The following TOX2 variants were observed in gnomAD, a reference collection of about 807,000 sequenced individuals.
TOX2 encodes TOX high mobility group box family member 2.
Under a neutral mutation model 47.4 loss-of-function variants are expected in TOX2, and 15 were observed. That is an observed-to-expected ratio of 0.32 (90% confidence interval 0.21 to 0.49). The LOEUF (loss-of-function observed/expected upper bound fraction) is 0.49. Ranked by LOEUF, TOX2 falls within the 20% of genes least tolerant of loss-of-function variation. The pLI is 0.99. For synonymous variants in TOX2, 290 were observed against 296.6 expected (o/e 0.98, Z 0.23); for missense variants, 622 against 673.1 (o/e 0.92, Z 0.84).
chr20:43,970,565 A>T (rs2145464482), intron 1 of TOX2, among the ~76,000 whole-genome samples: 1 of 152,202 alleles, frequency 6.6e-6, no homozygotes, highest in Admixed American at 6.5e-5. Context: ...ACACTTCATT[A>T]AACTTAATGT....
Position 43,914,959 on chromosome 20 carries a change from TG to T in TOX2, c.70del (p.Ala24ArgfsTer20). The T allele has an allele frequency of 1.6e-6, 2 of 1,252,580 alleles. No individual in the cohort carries two copies. The highest frequency in any genetic ancestry group is 2.0e-6 in the Non-Finnish European group (2 of 998,602). 77.6% of individuals were successfully genotyped at this position (1,252,580 alleles called of 1,614,324 possible). A position where few individuals can be genotyped will look rare whatever the true frequency, so the allele number is the denominator to read the frequency against. Reference protein sequence around the residue: ...GARPGAEPAGLAHLDYYHGGK... With the variant: ...GARPGAEPAGXAHLDYYHGGK... Reference sequence around the variant, plus strand: ...CGGCCCGGGGCCGAGCCGGCCGGCCTGGCGCACCTGGACTATTACCACGGCG... The same window carrying T: ...CGGCCCGGGGCCGAGCCGGCCGGCCTGCGCACCTGGACTATTACCACGGCG... On this transcript the variant is annotated frameshift_variant, in exon 1 of 9. Coordinates refer to ENST00000341197, the MANE Select transcript of TOX2 (RefSeq NM_001098797.2). LOFTEE classifies it high-confidence loss of function. The surrounding 1 kb of genome is among the most constrained non-coding windows in gnomAD (Gnocchi z 4.5).
chr20:44,026,250 G>GTATATATATATATATATAT, intron 3 of TOX2, among the ~76,000 whole-genome samples: 1 of 82,956 alleles, frequency 1.2e-5, no homozygotes, highest in East Asian at 3.9e-4. Flanking sequence ...TATATATATA[G>GTATATATATATATATATAT]ACACACACAC....
intron 1 of TOX2, among the ~76,000 whole-genome samples, chr20:43,953,303 C>T (rs1246246292): frequency 6.6e-6 from 1 of 152,136 alleles, no homozygotes; most frequent in Non-Finnish European, 1.5e-5. Flanking sequence ...ATATCACCTT[C>T]AGTCAGAAAA....
At chr20:43,923,480 GGGA>G (rs2069132485) in intron 1 of TOX2, among the ~76,000 whole-genome samples, 1 of 152,176 alleles carries the variant, frequency 6.6e-6, no homozygotes, top group South Asian at 2.1e-4. Flanking sequence ...AGCAGGCCTG[GGGA>G]GGAGCTGAAA....
At chr20:43,944,217 C>G (rs2069436994) in intron 1 of TOX2, among the ~76,000 whole-genome samples, 1 of 152,130 alleles carries the variant, frequency 6.6e-6, no homozygotes, top group African/African-American at 2.4e-5. Flanking sequence ...GAGCCAGGAC[C>G]CAGAGATGAG....
At chr20:43,975,251 G>T (rs2070055664) in intron 2 of TOX2, among the ~76,000 whole-genome samples, 1 of 151,968 alleles carries the variant, frequency 6.6e-6, no homozygotes, top group Non-Finnish European at 1.5e-5. Flanking sequence ...TCTGCTCTAG[G>T]CCTCGGCAGA....
chr20:43,967,895 A>G (rs1017099225), intron 1 of TOX2, among the ~76,000 whole-genome samples: 1 of 152,192 alleles, frequency 6.6e-6, no homozygotes. Context: ...GCTTGAGGGG[A>G]TGGAAACCCA....
chr20:43,989,984 C>T (rs570782401), intron 2 of TOX2, among the ~76,000 whole-genome samples: 123 of 152,104 alleles, frequency 8.1e-4, no homozygotes, highest in Admixed American at 4.3e-3. Flanking sequence ...GGTTGTTGGC[C>T]GGATTCAGTT....
intron 1 of TOX2, among the ~76,000 whole-genome samples, chr20:43,945,033 T>G (rs924469525): frequency 6.6e-6 from 1 of 152,202 alleles, no homozygotes; most frequent in South Asian, 2.1e-4. Flanking sequence ...GATCAAGGCT[T>G]GTGGTGGGTG....
chr20:44,024,070 C>T (rs2071021091), intron 3 of TOX2, among the ~76,000 whole-genome samples: 1 of 152,154 alleles, frequency 6.6e-6, no homozygotes. Flanking sequence ...ACTGAGTTCT[C>T]CTGAGTAATC....
intron 1 of TOX2, among the ~76,000 whole-genome samples, chr20:43,954,470 C>T (rs1182072229): frequency 1.3e-5 from 2 of 152,196 alleles, no homozygotes; most frequent in African/African-American, 2.4e-5. Context: ...CTGTGTCTAC[C>T]TTGCTTCTCG....
At chr20:44,013,631 G>A (rs1315507700) in intron 3 of TOX2, among the ~76,000 whole-genome samples, 1 of 152,204 alleles carries the variant, frequency 6.6e-6, no homozygotes, top group Non-Finnish European at 1.5e-5. Flanking sequence ...TTAAAACAAT[G>A]AATTCTTATG....
intron 3 of TOX2, among the ~76,000 whole-genome samples, chr20:44,041,724 C>A (rs2071334509): frequency 6.6e-6 from 1 of 152,234 alleles, no homozygotes; most frequent in East Asian, 1.9e-4. Flanking sequence ...AGAGACTTGA[C>A]ATCCTTCCTG....
intron 2 of TOX2, among the ~76,000 whole-genome samples, chr20:44,005,347 C>A (rs1456881545): frequency 6.6e-6 from 1 of 152,200 alleles, no homozygotes; most frequent in Admixed American, 6.5e-5. Flanking sequence ...TGGATAATTT[C>A]TTCAGAGTCA....
At chr20:43,999,185 A>G (rs6065681) in intron 2 of TOX2, among the ~76,000 whole-genome samples, 109,730 of 152,140 alleles carry the variant, frequency 0.72, 39,933 homozygotes, top group East Asian at 0.81. Context: ...CATTCGTATT[A>G]TGTTATGAAT....
At chr20:43,993,963 G>A (rs1403597778) in intron 2 of TOX2, among the ~76,000 whole-genome samples, 2 of 151,878 alleles carry the variant, frequency 1.3e-5, no homozygotes, top group African/African-American at 4.8e-5. Flanking sequence ...GACCAGTCTG[G>A]GCAATATAGC....
chr20:43,971,150 A>C (rs866294901), intron 1 of TOX2, among the ~76,000 whole-genome samples: 2 of 152,150 alleles, frequency 1.3e-5, no homozygotes, highest in Non-Finnish European at 2.9e-5. Flanking sequence ...TGCTTTATTT[A>C]CTTATTCAAC....
rs117954037 is a variant in TOX2 at position 43,946,759 on chromosome 20, C to T, written c.100-26608C>T. Among the ~76,000 whole-genome samples, 793 of 152,196 alleles carry T rather than the reference C, an allele frequency of 5.2e-3. 4 individuals are homozygous for T. The highest frequency in any genetic ancestry group is 7.3e-3 in the Non-Finnish European group (494 of 68,000). Reference sequence around the variant, plus strand: ...AGAGATTTCAAATGCAGAAACCTAACGTGAAGGGGCCATCCCAGCTGTGCC... The same window carrying T: ...AGAGATTTCAAATGCAGAAACCTAATGTGAAGGGGCCATCCCAGCTGTGCC... On this transcript the variant is annotated intron_variant, in intron 1 of 8. Coordinates refer to ENST00000341197, the MANE Select transcript of TOX2 (RefSeq NM_001098797.2).
chr20:44,048,196 G>T lies in TOX2; in HGVS notation c.412-3110G>T, dbSNP rs572260186. On this transcript the variant is annotated intron_variant, in intron 3 of 8. Transcript: ENST00000341197. ...GCCGAGATAGCATCACTGCACTCCA[G>T]TGTGGGCAACAGAGCAAGACTCCGT... Among the ~76,000 whole-genome samples the T allele has an allele frequency of 1.2e-4, 19 of 152,064 alleles. No individual in the cohort carries two copies. The South Asian group carries it at 3.5e-3, about 28-fold the overall frequency.
Sources: allele counts gnomAD v4.1 joint callset (sites outside exome capture counted in the v4.1 genomes callset), GRCh38; gene constraint gnomAD v4.1.1; non-coding constraint Gnocchi (gnomAD v3.1); transcripts MANE v1.5; gene names NCBI Gene and HGNC (gene_info 2026-07-23, HGNC 2026-07-21).